The following PCDHA6 variants were observed in gnomAD, a reference collection of about 807,000 sequenced individuals.
PCDHA6 encodes the protein protocadherin alpha 6, also known as protocadherin alpha-6.
A neutral mutation model predicts 60.3 loss-of-function variants in PCDHA6; 55 were observed. That is an observed-to-expected ratio of 0.91 (90% CI 0.73 to 1.14). PCDHA6 has a LOEUF of 1.14. PCDHA6 is among the 50% of genes most tolerant of loss of function. The pLI, the probability that PCDHA6 is intolerant of heterozygous loss-of-function variation, is 0.00. For missense variants in PCDHA6, 1,327 were observed against 1,256.5 expected (o/e 1.06, Z -0.85); for synonymous variants, 652 against 557.9 (o/e 1.17, Z -2.38).
At chr5:140,921,616 A>C (rs1369093554) in intron 1 of PCDHA6, among the ~76,000 whole-genome samples, 1 of 152,222 alleles carries the variant, frequency 6.6e-6, no homozygotes, top group African/African-American at 2.4e-5. Flanking sequence ...GAAAAATATC[A>C]TCAGATCATC....
At chr5:140,983,257 A>C (rs2097036264) in intron 3 of PCDHA6, among the ~76,000 whole-genome samples, 1 of 152,214 alleles carries the variant, frequency 6.6e-6, no homozygotes, top group Non-Finnish European at 1.5e-5. Context: ...GTTGTGTAAA[A>C]AACCTAATGG....
intron 1 of PCDHA6, chr5:140,881,502 A>G: frequency 1.2e-5 from 3 of 249,864 alleles, no homozygotes; most frequent in Non-Finnish European, 1.9e-5. Context: ...ACATACACAC[A>G]CTCACATACA....
intron 1 of PCDHA6, among the ~76,000 whole-genome samples, chr5:140,975,516 G>A (rs1310855349): frequency 6.6e-6 from 1 of 152,284 alleles, no homozygotes; most frequent in South Asian, 2.1e-4. Flanking sequence ...TGCAAAATCT[G>A]CAGTGGATAT....
chr5:140,840,358 G>T (rs1180450322), intron 1 of PCDHA6, among the ~76,000 whole-genome samples: 2 of 151,928 alleles, frequency 1.3e-5, no homozygotes, highest in African/African-American at 4.8e-5. Context: ...AGGTAAAAAT[G>T]TCAGGTAGAA....
intron 1 of PCDHA6, chr5:140,869,085 G>C (rs1223648721): frequency 6.3e-7 from 1 of 1,583,562 alleles, no homozygotes; most frequent in Non-Finnish European, 8.6e-7. Flanking sequence ...GCTTATTTTG[G>C]AAGCCAATTT....
intron 1 of PCDHA6, among the ~76,000 whole-genome samples, chr5:140,952,538 T>C (rs558395294): frequency 6.6e-6 from 1 of 152,256 alleles, no homozygotes; most frequent in South Asian, 2.1e-4. Flanking sequence ...AGACTGGACT[T>C]CTTTGTCCAT....
chr5:140,918,991 G>A (rs1453656237), intron 1 of PCDHA6, among the ~76,000 whole-genome samples: 2 of 152,184 alleles, frequency 1.3e-5, no homozygotes, highest in African/African-American at 4.8e-5. Flanking sequence ...GGTTTTTAGT[G>A]TTGTTCACAT....
chr5:140,985,739 CTTTTT>C (rs11372071), intron 3 of PCDHA6, among the ~76,000 whole-genome samples: 1 of 117,916 alleles, frequency 8.5e-6, no homozygotes, highest in Non-Finnish European at 1.7e-5. Context: ...TGATGAATTC[CTTTTT>C]TTTTTTTTTT....
chr5:140,859,473 G>T (rs1486992699), intron 1 of PCDHA6: 1 of 209,794 alleles, frequency 4.8e-6, no homozygotes, highest in Non-Finnish European at 9.3e-6. Context: ...ACTATCAATT[G>T]TGTTTTCCTG....
At position 140,828,212 on chromosome 5, in the gene PCDHA6, C is replaced by T; in HGVS notation, c.121C>T (p.His41Tyr). The change falls in exon 1 of 4, where the codon CAC (histidine) becomes TAC (tyrosine). Residue 41 changes from histidine (H) to tyrosine (Y), a missense_variant. Transcript: ENST00000529310. ...CTACTCCGTACCCGAGGAGGCCAAA[C>T]ACGGCACCTTCGTGGGCCGGATCGC... Reference protein sequence around the residue: ...LHYSVPEEAKHGTFVGRIAQD... With the variant: ...LHYSVPEEAKYGTFVGRIAQD... The T allele has an allele frequency of 6.2e-7, 1 of 1,614,066 alleles. No homozygotes were observed. The highest frequency in any genetic ancestry group is 1.1e-5 in the South Asian group (1 of 91,078).
chr5:140,885,670 C>T (rs1351720729), intron 1 of PCDHA6, among the ~76,000 whole-genome samples: 2 of 152,138 alleles, frequency 1.3e-5, no homozygotes, highest in African/African-American at 4.8e-5. Flanking sequence ...TATGAGCACT[C>T]TTTCTATCTC....
chr5:140,883,319 A>C, intron 1 of PCDHA6: 1 of 1,614,126 alleles, frequency 6.2e-7, no homozygotes, highest in Non-Finnish European at 8.5e-7. Context: ...CCCAGAGGTT[A>C]CCATCACTTC....
rs2150425951 is a variant in PCDHA6 at position 140,848,946 on chromosome 5, C to A, written c.2394+18461C>A. The A allele has an allele frequency of 3.1e-6, 5 of 1,607,242 alleles. No individual in the cohort carries two copies. In the South Asian group the frequency reaches 5.5e-5, roughly 18 times the overall value. ...CGCGGAATCCAGGCCGCTTGACTCT[C>A]GGTTTCCACTAGAGGGCGCGTCCGA... On this transcript the variant is annotated intron_variant, in intron 1 of 3. Transcript: ENST00000529310.
At position 140,853,857 on chromosome 5, in the gene PCDHA6, A is replaced by C. The variant is rs2042888129; in HGVS notation, c.2394+23372A>C. ...AATTTTAGATCCATAGCCCTATTTG[A>C]TACTTGACAGTGCAAGTTTCTGTAA... On this transcript the variant is annotated intron_variant, in intron 1 of 3. Transcript: ENST00000529310. 6.1e-6 allele frequency: 6 copies of C among 985,610 alleles called. 1 individual carries two copies. The highest frequency in any genetic ancestry group is 7.3e-6 in the Non-Finnish European group (6 of 817,684). 61.1% of individuals were successfully genotyped at this position (985,610 alleles called of 1,614,324 possible).
intron 1 of PCDHA6, chr5:140,841,829 T>C (rs1470654104): frequency 1.9e-6 from 3 of 1,613,780 alleles, no homozygotes; most frequent in Non-Finnish European, 2.5e-6. Context: ...CGTGTTAACC[T>C]ACAGGCTTAG....
intron 1 of PCDHA6, chr5:140,877,927 A>C: frequency 7.1e-7 from 1 of 1,416,192 alleles, no homozygotes; most frequent in South Asian, 1.6e-5. Flanking sequence ...TTTCTTTATG[A>C]TTCTATCCTT....
At chr5:140,877,654 A>T in intron 1 of PCDHA6, 1 of 1,613,490 alleles carries the variant, frequency 6.2e-7, no homozygotes, top group South Asian at 1.1e-5. Flanking sequence ...AGCGCCGCCC[A>T]CCGTGAGCCG....
intron 3 of PCDHA6, among the ~76,000 whole-genome samples, chr5:140,985,692 C>T (rs1208331191): frequency 6.6e-6 from 1 of 151,060 alleles, no homozygotes; most frequent in Non-Finnish European, 1.5e-5. Flanking sequence ...CGCTAATCCT[C>T]GTTCATATGT....
intron 1 of PCDHA6, chr5:140,862,407 C>T: frequency 2.8e-6 from 1 of 351,564 alleles, no homozygotes; most frequent in Non-Finnish European, 5.6e-6. Flanking sequence ...TGTCTACCTT[C>T]AAAAGGCGCT....
Sources: allele counts gnomAD v4.1 joint callset (sites outside exome capture counted in the v4.1 genomes callset), GRCh38; gene constraint gnomAD v4.1.1; transcripts MANE v1.5; gene names NCBI Gene and HGNC (gene_info 2026-07-23, HGNC 2026-07-21).